Variants in PRR16 observed in about 807,000 individuals in gnomAD.
The protein encoded by PRR16 is proline rich 16, also known as protein Largen.
PRR16 carries 6 observed loss-of-function variants against 18.2 expected under a neutral mutation model. The ratio of observed to expected loss-of-function variants is 0.33; its 90% CI spans 0.18 to 0.65. The LOEUF is 0.65. Among genes scored for constraint, PRR16 ranks in the 30% least tolerant of loss-of-function variants. The probability of loss-of-function intolerance (pLI) is 0.74; values close to 1 mark genes in which losing one functional copy is unlikely to be tolerated. For synonymous variants in PRR16, 151 were observed against 147.8 expected (o/e 1.02, Z -0.16); for missense variants, 412 against 376.6 (o/e 1.09, Z -0.78).
chr5:120,488,210 T>C (rs1277016501), intron 1 of PRR16, among the ~76,000 whole-genome samples: 1 of 152,204 alleles, frequency 6.6e-6, no homozygotes, highest in African/African-American at 2.4e-5. Context: ...TTGGAATAGT[T>C]TCAGAAGGAA....
chr5:120,697,258 C>A, the PRR16 span, among the ~76,000 whole-genome samples: 1 of 152,166 alleles, frequency 6.6e-6, no homozygotes, highest in Non-Finnish European at 1.5e-5. Flanking sequence ...CATTCAATTT[C>A]ATACATTTAA....
the PRR16 span, among the ~76,000 whole-genome samples, chr5:120,769,881 G>T: frequency 6.6e-6 from 1 of 151,666 alleles, no homozygotes; most frequent in African/African-American, 2.4e-5. Flanking sequence ...GTTTTCTTTT[G>T]ATTTTTTAAT....
At chr5:120,655,095 C>G (rs1193954956) in intron 1 of PRR16, among the ~76,000 whole-genome samples, 2 of 151,816 alleles carry the variant, frequency 1.3e-5, no homozygotes. Context: ...TATATACTAG[C>G]TACTGAAAAG....
chr5:120,476,480 T>A (rs911141187), intron 1 of PRR16, among the ~76,000 whole-genome samples: 1 of 152,186 alleles, frequency 6.6e-6, no homozygotes, highest in Non-Finnish European at 1.5e-5. Context: ...CTTTCTCTAT[T>A]GATTACTAAC....
chr5:120,768,338 A>G, the PRR16 span, among the ~76,000 whole-genome samples: 8 of 151,782 alleles, frequency 5.3e-5, no homozygotes, highest in African/African-American at 1.4e-4. Flanking sequence ...TATTTTCTCA[A>G]TATAAATTAT....
At chr5:120,785,575 G>GTTGTTTTTT in the PRR16 span, among the ~76,000 whole-genome samples, 2 of 115,394 alleles carry the variant, frequency 1.7e-5, no homozygotes, top group Non-Finnish European at 3.5e-5. Flanking sequence ...TGTTGTTGTT[G>GTTGTTTTTT]TTTTTTTTTT....
the PRR16 span, among the ~76,000 whole-genome samples, chr5:120,755,636 G>T: frequency 1.1e-4 from 16 of 152,080 alleles, no homozygotes; most frequent in African/African-American, 3.6e-4. Context: ...CCACTGTCGA[G>T]GACCACCTAG....
chr5:120,743,806 T>C, the PRR16 span, among the ~76,000 whole-genome samples: 1 of 152,108 alleles, frequency 6.6e-6, no homozygotes, highest in South Asian at 2.1e-4. Flanking sequence ...TTCATACTCA[T>C]AGTCTTCTTC....
intron 1 of PRR16, among the ~76,000 whole-genome samples, chr5:120,627,282 A>G (rs753011381): frequency 2.0e-5 from 3 of 152,168 alleles, no homozygotes; most frequent in East Asian, 1.9e-4. Flanking sequence ...CAATCTGTAC[A>G]TGATCCTGCT....
chr5:120,724,674 A>G, the PRR16 span, among the ~76,000 whole-genome samples: 2 of 151,864 alleles, frequency 1.3e-5, no homozygotes, highest in South Asian at 2.1e-4. Flanking sequence ...TCACAATGTC[A>G]CTCCTTCAGG....
At chr5:120,634,559 C>G (rs1193735368) in intron 1 of PRR16, among the ~76,000 whole-genome samples, 1 of 152,124 alleles carries the variant, frequency 6.6e-6, no homozygotes, top group Non-Finnish European at 1.5e-5. Flanking sequence ...AGGAGAATCA[C>G]TTGAACCCAG....
chr5:120,776,917 T>G, the PRR16 span, among the ~76,000 whole-genome samples: 3 of 152,086 alleles, frequency 2.0e-5, no homozygotes, highest in Non-Finnish European at 2.9e-5. Flanking sequence ...AATGTAGGGG[T>G]TTACAGGCTT....
At chr5:120,489,579 A>C (rs1337272258) in intron 1 of PRR16, among the ~76,000 whole-genome samples, 1 of 152,140 alleles carries the variant, frequency 6.6e-6, no homozygotes, top group Non-Finnish European at 1.5e-5. Flanking sequence ...TGAATACAGC[A>C]CACTGATGGG....
intron 1 of PRR16, among the ~76,000 whole-genome samples, chr5:120,675,160 T>G (rs570872686): frequency 6.6e-6 from 1 of 152,330 alleles, no homozygotes; most frequent in Admixed American, 6.5e-5. Flanking sequence ...ATAGATGTTT[T>G]AGAATCTTCC....
intron 1 of PRR16, among the ~76,000 whole-genome samples, chr5:120,577,730 A>G (rs1580744736): frequency 6.6e-6 from 1 of 152,204 alleles, no homozygotes; most frequent in Admixed American, 6.5e-5. Flanking sequence ...AAAATATTAC[A>G]TAGTAACAGA....
the PRR16 span, among the ~76,000 whole-genome samples, chr5:120,745,393 C>T: frequency 6.6e-6 from 1 of 152,102 alleles, no homozygotes; most frequent in Non-Finnish European, 1.5e-5. Flanking sequence ...AGTTTGTTCT[C>T]TTTAAGCAGC....
Position 120,655,808 on chromosome 5 carries a change from G to C in PRR16, c.160-30146G>C, listed in dbSNP as rs140244196. ...CAAATGAGAAGGCTAAATGTGAAGA[G>C]AAGTGAGACACCCTCTTGAAGATCT... is the stretch of plus-strand genomic sequence containing the variant. On this transcript the variant is annotated intron_variant, in intron 1 of 1. Transcript: ENST00000407149. Among the ~76,000 whole-genome samples the C allele has an allele frequency of 5.6e-4, 84 of 151,114 alleles. 2 individuals are homozygous for C. In the East Asian group the frequency reaches 0.015, roughly 28 times the overall value.
the PRR16 span, among the ~76,000 whole-genome samples, chr5:120,722,065 TC>T: frequency 6.6e-6 from 1 of 151,954 alleles, no homozygotes; most frequent in Non-Finnish European, 1.5e-5. Flanking sequence ...GGTGTTCCCC[TC>T]CCTGTTTCCA....
At chr5:120,591,323 A>G (rs1753628408) in intron 1 of PRR16, among the ~76,000 whole-genome samples, 1 of 152,020 alleles carries the variant, frequency 6.6e-6, no homozygotes, top group African/African-American at 2.4e-5. Context: ...TGTACTGTAT[A>G]TATCCTTTTA....
Sources: gnomAD v4.1 joint callset for allele counts (sites outside exome capture counted in the v4.1 genomes callset) on GRCh38, gnomAD v4.1.1 for gene constraint, MANE v1.5 for transcripts, NCBI Gene and HGNC (gene_info 2026-07-23, HGNC 2026-07-21) for gene names.